Variants in MBNL2 observed in about 807,000 individuals in gnomAD.
The protein encoded by MBNL2 is muscleblind like splicing regulator 2.
In MBNL2, 17 loss-of-function variants were observed where a neutral mutation model predicts 41.9. The observed-to-expected ratio is 0.41, with a 90% CI of 0.28 to 0.61. The LOEUF (loss-of-function observed/expected upper bound fraction) is 0.61. Ranked by LOEUF, MBNL2 falls within the 20% of genes least tolerant of loss-of-function variation. MBNL2 has a pLI of 0.35. For missense variants in MBNL2, 336 were observed against 505.6 expected (o/e 0.66, Z 3.22); for synonymous variants, 195 against 182.9 (o/e 1.07, Z -0.53).
chr13:97,266,790 G>A (rs2049912190), intron 1 of MBNL2, among the ~76,000 whole-genome samples: 1 of 152,080 alleles, frequency 6.6e-6, no homozygotes, highest in African/African-American at 2.4e-5. Flanking sequence ...AGAAATAGGA[G>A]AGTCAAGGAG....
intron 2 of MBNL2, among the ~76,000 whole-genome samples, chr13:97,331,004 T>C (rs1317133658): frequency 1.3e-5 from 2 of 152,210 alleles, no homozygotes; most frequent in Admixed American, 6.5e-5. Flanking sequence ...TTGAAAATAA[T>C]TTTAAACATA....
At chr13:97,224,569 G>T (rs2041303405) in intron 1 of MBNL2, among the ~76,000 whole-genome samples, 1 of 136,892 alleles carries the variant, frequency 7.3e-6, no homozygotes, top group Admixed American at 8.1e-5. Context: ...TAATAGAATT[G>T]AATCATACTT....
At chr13:97,386,177 G>T (rs958751405) in intron 8 of MBNL2, among the ~76,000 whole-genome samples, 5 of 152,340 alleles carry the variant, frequency 3.3e-5, no homozygotes, top group Admixed American at 3.3e-4. Flanking sequence ...TGCTCTCCTG[G>T]TCTCACTCTT....
chr13:97,362,768 ACT>A (rs1226353266), intron 7 of MBNL2, among the ~76,000 whole-genome samples: 53 of 152,324 alleles, frequency 3.5e-4, no homozygotes, highest in South Asian at 1.4e-3. Flanking sequence ...CAGGAAGACC[ACT>A]TAGGATGTTA....
chr13:97,205,921 A>T, the MBNL2 span, among the ~76,000 whole-genome samples: 1 of 152,228 alleles, frequency 6.6e-6, no homozygotes, highest in Non-Finnish European at 1.5e-5. Context: ...AAATATTGGG[A>T]AATGTTTTAC....
At chr13:97,252,583 C>A (rs2046791658) in intron 1 of MBNL2, among the ~76,000 whole-genome samples, 1 of 152,028 alleles carries the variant, frequency 6.6e-6, no homozygotes, top group Admixed American at 6.6e-5. Flanking sequence ...TTGTCCAATA[C>A]ATTTTCAGTT....
chr13:97,293,523 C>T (rs1263951229), intron 2 of MBNL2, among the ~76,000 whole-genome samples: 2 of 152,152 alleles, frequency 1.3e-5, no homozygotes, highest in African/African-American at 2.4e-5. Flanking sequence ...GTTATATCAG[C>T]GTGCAGATAT....
At chr13:97,240,144 CGGG>C (rs1398085490) in intron 1 of MBNL2, among the ~76,000 whole-genome samples, 1 of 152,150 alleles carries the variant, frequency 6.6e-6, no homozygotes, top group Non-Finnish European at 1.5e-5. Flanking sequence ...GATTCTGACT[CGGG>C]GAGTCTGAGG....
At chr13:97,270,336 A>G (rs2050698110) in intron 1 of MBNL2, among the ~76,000 whole-genome samples, 1 of 151,434 alleles carries the variant, frequency 6.6e-6, no homozygotes, top group African/African-American at 2.4e-5. Context: ...AACAATCTTA[A>G]TAAGATATTT....
chr13:97,374,843 A>C (rs770110752), intron 8 of MBNL2, among the ~76,000 whole-genome samples: 1 of 152,206 alleles, frequency 6.6e-6, no homozygotes, highest in Non-Finnish European at 1.5e-5. Context: ...TATATAGTTC[A>C]TCCTATATGG....
At chr13:97,204,329 G>A in the MBNL2 span, among the ~76,000 whole-genome samples, 5 of 152,186 alleles carry the variant, frequency 3.3e-5, no homozygotes, top group Admixed American at 1.3e-4. Context: ...TTTGAAGGTT[G>A]GGACTTGAAT....
At chr13:97,160,718 A>G in the MBNL2 span, among the ~76,000 whole-genome samples, 1 of 152,196 alleles carries the variant, frequency 6.6e-6, no homozygotes, top group Admixed American at 6.5e-5. Flanking sequence ...ACTCCTTAGA[A>G]TGAGAATCAG....
chr13:97,322,225 G>A (rs1440092137), intron 2 of MBNL2, among the ~76,000 whole-genome samples: 1 of 152,040 alleles, frequency 6.6e-6, no homozygotes, highest in African/African-American at 2.4e-5. Flanking sequence ...TCCCCAGCCG[G>A]TGCATAAATG....
At chr13:97,225,317 G>A (rs1354667313) in intron 1 of MBNL2, among the ~76,000 whole-genome samples, 2 of 151,920 alleles carry the variant, frequency 1.3e-5, no homozygotes, top group African/African-American at 2.4e-5. Context: ...CTTTTTTCCT[G>A]TACTTTCCTA....
rs140332128 is a variant in MBNL2 at position 97,393,115 on chromosome 13, C to T, written c.*1666C>T. 154 of 152,476 alleles carry T rather than the reference C, an allele frequency of 1.0e-3. No homozygotes were observed. The highest frequency in any genetic ancestry group is 3.6e-3 in the African/African-American group (148 of 41,544). 9.4% of individuals were successfully genotyped at this position (152,476 alleles called of 1,614,324 possible). On this transcript the variant is annotated 3_prime_UTR_variant, in exon 9 of 9. Transcript: ENST00000679496. ...ATGTATTCTTACATAGTGCTTGTATCGTTGCATTTGTTTTAATTTGTGGAA... is the reference window on the plus strand; with the variant it reads ...ATGTATTCTTACATAGTGCTTGTATTGTTGCATTTGTTTTAATTTGTGGAA...
the MBNL2 span, among the ~76,000 whole-genome samples, chr13:97,154,366 G>A: frequency 6.6e-6 from 1 of 152,202 alleles, no homozygotes; most frequent in African/African-American, 2.4e-5. Context: ...CCAGGCTGGA[G>A]TGTAGTGGTG....
chr13:97,232,603 C>T (rs370755543), intron 1 of MBNL2, among the ~76,000 whole-genome samples: 33 of 152,226 alleles, frequency 2.2e-4, no homozygotes, highest in Admixed American at 8.5e-4. Context: ...CCAGTTCTTA[C>T]TTGGGGATTG....
At chr13:97,317,643 G>C (rs2059166667) in intron 2 of MBNL2, among the ~76,000 whole-genome samples, 1 of 152,194 alleles carries the variant, frequency 6.6e-6, no homozygotes, top group African/African-American at 2.4e-5. Flanking sequence ...CTGTAACAGG[G>C]CAGTCCCAGA....
At chr13:97,365,808 T>C (rs1186129509) in intron 8 of MBNL2, among the ~76,000 whole-genome samples, 1 of 152,196 alleles carries the variant, frequency 6.6e-6, no homozygotes, top group Non-Finnish European at 1.5e-5. Context: ...GGATTAGATC[T>C]ATTTAGAGTC....
Sources: gnomAD v4.1 joint callset for allele counts (sites outside exome capture counted in the v4.1 genomes callset) on GRCh38, gnomAD v4.1.1 for gene constraint, MANE v1.5 for transcripts, NCBI Gene and HGNC (gene_info 2026-07-23, HGNC 2026-07-21) for gene names.